NRXN1: variants seen among roughly 807,000 people sequenced by gnomAD.
The protein encoded by NRXN1 is neurexin-1.
NRXN1 carries 39 observed loss-of-function variants against 150.9 expected under a neutral mutation model. The observed-to-expected ratio is 0.26, with a 90% CI of 0.20 to 0.34. The LOEUF (loss-of-function observed/expected upper bound fraction) is 0.34. Among genes scored for constraint, NRXN1 ranks in the 10% least tolerant of loss-of-function variants. The probability of loss-of-function intolerance (pLI) is 1.00; values close to 1 mark genes in which losing one functional copy is unlikely to be tolerated. For missense variants in NRXN1, 1,815 were observed against 1,949.9 expected (o/e 0.93, Z 1.30); for synonymous variants, 924 against 757.0 (o/e 1.22, Z -3.62).
At chr2:50,421,033 A>G (rs1022290117) in intron 17 of NRXN1, among the ~76,000 whole-genome samples, 12 of 132,282 alleles carry the variant, frequency 9.1e-5, no homozygotes, top group African/African-American at 3.3e-4. Context: ...ACATTGTTCT[A>G]TCCCTCTGGC....
At chr2:50,072,033 T>C (rs1002449085) in intron 19 of NRXN1, among the ~76,000 whole-genome samples, 3 of 152,228 alleles carry the variant, frequency 2.0e-5, no homozygotes, top group Non-Finnish European at 2.9e-5. Flanking sequence ...TAAAATAATA[T>C]TATTTTCATC....
chr2:50,056,631 G>C (rs1041226912), intron 19 of NRXN1, among the ~76,000 whole-genome samples: 4 of 151,912 alleles, frequency 2.6e-5, no homozygotes, highest in African/African-American at 9.7e-5. Context: ...TTTTAAAAGT[G>C]TACAAAATTT....
intron 15 of NRXN1, among the ~76,000 whole-genome samples, chr2:50,477,609 A>G (rs1342379053): frequency 6.6e-6 from 1 of 152,208 alleles, no homozygotes; most frequent in Non-Finnish European, 1.5e-5. Flanking sequence ...TAGTTCTTTG[A>G]CTCAGCTTTC....
chr2:50,531,562 C>A, intron 10 of NRXN1, 132 bp from the exon 11 acceptor site: 1 of 712,612 alleles, frequency 1.4e-6, no homozygotes, highest in African/African-American at 1.8e-5. Context: ...AATTCATCTT[C>A]TTCAGAAATA....
chr2:50,782,808 T>C (rs1330544297), intron 5 of NRXN1, among the ~76,000 whole-genome samples: 3 of 152,148 alleles, frequency 2.0e-5, no homozygotes, highest in Non-Finnish European at 2.9e-5. Flanking sequence ...CCAGAGATTC[T>C]GAAGTAGATG....
At chr2:50,872,700 C>T (rs1677970090) in intron 5 of NRXN1, among the ~76,000 whole-genome samples, 1 of 151,854 alleles carries the variant, frequency 6.6e-6, no homozygotes, top group Admixed American at 6.6e-5. Flanking sequence ...CTCTTGTAAT[C>T]CCAGCACTTT....
chr2:50,665,960 T>A (rs1477052715), intron 5 of NRXN1, among the ~76,000 whole-genome samples: 2 of 151,882 alleles, frequency 1.3e-5, no homozygotes, highest in African/African-American at 4.8e-5. Context: ...ATAGATGATA[T>A]TTTATACATC....
At chr2:50,683,526 G>T (rs1339261428) in intron 5 of NRXN1, among the ~76,000 whole-genome samples, 1 of 147,024 alleles carries the variant, frequency 6.8e-6, no homozygotes, top group Non-Finnish European at 1.5e-5. Flanking sequence ...TAGCTACTCA[G>T]GAGGCTGAGA....
intron 5 of NRXN1, among the ~76,000 whole-genome samples, chr2:50,831,679 T>TA (rs754722802): frequency 6.6e-6 from 1 of 152,224 alleles, no homozygotes; most frequent in Non-Finnish European, 1.5e-5. Context: ...AACTTGTTTT[T>TA]AAAACATGGA....
intron 18 of NRXN1, among the ~76,000 whole-genome samples, chr2:50,212,844 T>C (rs913612085): frequency 1.3e-5 from 2 of 151,934 alleles, no homozygotes; most frequent in African/African-American, 2.4e-5. Flanking sequence ...TGAACTGATA[T>C]TTCTGCAAGG....
chr2:50,974,526 A>G (rs1695522394), intron 2 of NRXN1, among the ~76,000 whole-genome samples: 1 of 152,136 alleles, frequency 6.6e-6, no homozygotes, highest in Admixed American at 6.6e-5. Context: ...CTTGTCTGGT[A>G]GTGGAGCTTT....
chr2:50,421,124 A>T (rs971868958), intron 17 of NRXN1, among the ~76,000 whole-genome samples: 2 of 150,522 alleles, frequency 1.3e-5, no homozygotes, highest in African/African-American at 2.4e-5. Flanking sequence ...TAATGCAGAA[A>T]TTTTTTTTTC....
chr2:49,987,624 C>G (rs1338130414), intron 21 of NRXN1, among the ~76,000 whole-genome samples: 2 of 152,024 alleles, frequency 1.3e-5, no homozygotes, highest in Non-Finnish European at 2.9e-5. Context: ...GTCTTATGGT[C>G]CCTTTAATGA....
intron 8 of NRXN1, among the ~76,000 whole-genome samples, chr2:50,589,968 A>G (rs1159721610): frequency 6.6e-6 from 1 of 152,208 alleles, no homozygotes; most frequent in Non-Finnish European, 1.5e-5. Flanking sequence ...CCTGGAATAC[A>G]GCAGATTTTT....
intron 15 of NRXN1, among the ~76,000 whole-genome samples, chr2:50,489,094 G>A (rs987586788): frequency 1.3e-5 from 2 of 152,156 alleles, no homozygotes; most frequent in African/African-American, 4.8e-5. Flanking sequence ...ATCATGAAAG[G>A]CATCTGGGCA....
intron 5 of NRXN1, among the ~76,000 whole-genome samples, chr2:50,781,175 C>A (rs544564694): frequency 1.4e-4 from 22 of 152,154 alleles, no homozygotes; most frequent in Non-Finnish European, 3.1e-4. Flanking sequence ...ACTGCACTTA[C>A]ACTGGGTTGT....
chr2:50,550,924 G>C (rs990875040), intron 9 of NRXN1, among the ~76,000 whole-genome samples: 16 of 151,872 alleles, frequency 1.1e-4, no homozygotes, highest in African/African-American at 3.9e-4. Flanking sequence ...CTCGTGATCT[G>C]CCTGCCTTGG....
chr2:50,390,166 G>A (rs563519918), intron 17 of NRXN1, among the ~76,000 whole-genome samples: 16 of 152,168 alleles, frequency 1.1e-4, no homozygotes, highest in Middle Eastern at 3.4e-3. Flanking sequence ...TGTTTTTATA[G>A]AAATTTCATG....
Position 50,346,913 on chromosome 2 carries a change from C to T in NRXN1, c.3365-109943G>A. ...CCGCCGCCGCCGCCCCCGGGCGAGC[C>T]CAGCTCGGCGCCGCACCGGAGCATC... On this transcript the variant is annotated intron_variant, in intron 17 of 22. Transcript: ENST00000401669. This position sits in a 1 kb window ranked among gnomAD's most constrained non-coding sequence, Gnocchi z 5.0. The T allele has an allele frequency of 3.1e-6, 4 of 1,294,908 alleles. No homozygotes were observed. Among genetic ancestry groups the T allele is most frequent in the Non-Finnish European group, 3.9e-6 (4 of 1,021,216 alleles). The allele number at this position is 1,294,908 out of a possible 1,614,324, so 80.2% of individuals were successfully genotyped here. A position where few individuals can be genotyped will look rare whatever the true frequency, so the allele number is the denominator to read the frequency against.
Sources: gnomAD v4.1 joint callset for allele counts (sites outside exome capture counted in the v4.1 genomes callset) on GRCh38, gnomAD v4.1.1 for gene constraint, Gnocchi (gnomAD v3.1) non-coding constraint, MANE v1.5 for transcripts, NCBI Gene and HGNC (gene_info 2026-07-23, HGNC 2026-07-21) for gene names.